Variants in EFHC1 observed in about 807,000 individuals in gnomAD.
EFHC1 encodes EF-hand domain containing 1.
A neutral mutation model predicts 69.9 loss-of-function variants in EFHC1; 53 were observed. The ratio of observed to expected loss-of-function variants is 0.76; its 90% CI spans 0.61 to 0.95. The LOEUF is 0.95. EFHC1 is among the 40% of genes least tolerant of loss of function. The probability of loss-of-function intolerance (pLI) is 0.00; values close to 1 mark genes in which losing one functional copy is unlikely to be tolerated. For missense variants in EFHC1, 739 were observed against 798.7 expected, an observed-to-expected ratio of 0.93 and a Z score of 0.90; for synonymous variants, 256 against 278.4, an observed-to-expected ratio of 0.92 and a Z score of 0.80.
intron 9 of EFHC1, among the ~76,000 whole-genome samples, chr6:52,484,828 CAGTG>C (rs1436171453): frequency 1.3e-5 from 2 of 151,886 alleles, no homozygotes; most frequent in South Asian, 2.1e-4. Context: ...GCAGTAGAAA[CAGTG>C]AGGATAGAGG....
intron 1 of EFHC1, chr6:52,423,655 TA>T (rs1764236562): frequency 3.8e-6 from 2 of 527,646 alleles, no homozygotes; most frequent in South Asian, 2.4e-5. Context: ...CACACCCAGC[TA>T]ATTTTTTTTT....
At chr6:52,424,271 G>A (rs1764257428) in intron 2 of EFHC1, 104 bp downstream of exon 2, 3 of 1,120,592 alleles carry the variant, frequency 2.7e-6, no homozygotes, top group East Asian at 2.6e-5. Context: ...AGGGCTCTGA[G>A]GAGAAAATTG....
intron 3 of EFHC1, among the ~76,000 whole-genome samples, chr6:52,448,409 A>G (rs1425756873): frequency 6.6e-6 from 1 of 152,208 alleles, no homozygotes; most frequent in Non-Finnish European, 1.5e-5. Flanking sequence ...CCATTTGCTA[A>G]GGCCATTGGA....
chr6:52,463,886 A>G (rs1765231989), intron 5 of EFHC1, among the ~76,000 whole-genome samples: 1 of 152,250 alleles, frequency 6.6e-6, no homozygotes, highest in Admixed American at 6.5e-5. Flanking sequence ...AATAAGATGC[A>G]TTATTAGGGA....
At chr6:52,427,600 C>A (rs1764329743) in intron 2 of EFHC1, among the ~76,000 whole-genome samples, 1 of 149,690 alleles carries the variant, frequency 6.7e-6, no homozygotes, top group Non-Finnish European at 1.5e-5. Flanking sequence ...ATTTGTGTTG[C>A]TGATTTGTTT....
At chr6:52,468,006 G>A (rs1765347970) in intron 6 of EFHC1, among the ~76,000 whole-genome samples, 1 of 152,174 alleles carries the variant, frequency 6.6e-6, no homozygotes, top group Admixed American at 6.5e-5. Context: ...TATTCAATTC[G>A]AGAGGTATGG....
intron 4 of EFHC1, chr6:52,453,871 T>A (rs776111548): frequency 7.2e-7 from 1 of 1,380,190 alleles, no homozygotes; most frequent in Non-Finnish European, 9.5e-7. Context: ...CACAAACTTA[T>A]AATCCTATTA....
chr6:52,445,300 TA>T (rs1764756887), intron 3 of EFHC1, among the ~76,000 whole-genome samples: 2 of 151,398 alleles, frequency 1.3e-5, no homozygotes, highest in Admixed American at 6.6e-5. Flanking sequence ...TTAATTTATT[TA>T]TTTTTTTATT....
At chr6:52,473,007 A>C (rs954489119) in intron 7 of EFHC1, among the ~76,000 whole-genome samples, 1 of 152,224 alleles carries the variant, frequency 6.6e-6, no homozygotes, top group African/African-American at 2.4e-5. Flanking sequence ...TAAGTCAAAA[A>C]ATCCAAAAAT....
intron 1 of EFHC1, among the ~76,000 whole-genome samples, chr6:52,423,375 G>T (rs1764230987): frequency 1.3e-5 from 2 of 152,214 alleles, no homozygotes. Flanking sequence ...AGGTGAATTG[G>T]TAGTTAAATT....
At chr6:52,453,151 T>C (rs1337213663) in intron 4 of EFHC1, 4 of 1,361,098 alleles carry the variant, frequency 2.9e-6, no homozygotes, top group Admixed American at 2.2e-5. Context: ...GACAATTTCT[T>C]TCCCTTAAAA....
intron 9 of EFHC1, chr6:52,487,159 A>G (rs774859069): frequency 6.6e-6 from 1 of 152,246 alleles, no homozygotes; most frequent in Admixed American, 6.5e-5. Flanking sequence ...CTATATTTCA[A>G]TAAAATTTTA....
intron 3 of EFHC1, among the ~76,000 whole-genome samples, chr6:52,448,339 G>T (rs1330426489): frequency 1.3e-5 from 2 of 152,248 alleles, no homozygotes; most frequent in East Asian, 3.8e-4. Flanking sequence ...CTAGCAGTGA[G>T]AGAGGCTCTG....
At chr6:52,461,310 G>A (rs1487750297) in intron 5 of EFHC1, among the ~76,000 whole-genome samples, 4 of 152,112 alleles carry the variant, frequency 2.6e-5, no homozygotes, top group Non-Finnish European at 5.9e-5. Context: ...TTATAATTGA[G>A]AAACGTGGTA....
Position 52,430,823 on chromosome 6 carries a change from G to A in EFHC1, c.285+6656G>A, listed in dbSNP as rs559768730. On this transcript the variant is annotated intron_variant, in intron 2 of 10. Transcript: ENST00000371068. The stretch of plus-strand genomic sequence containing the variant: ...TCTGGTAGAATTCTTCTGTGAATCT[G>A]TCTGGTCCTGGACTTTTTCCTGCTG... Among the ~76,000 whole-genome samples, 105 of 152,170 alleles carry A rather than the reference G, an allele frequency of 6.9e-4. 1 individual carries two copies. The South Asian group carries it at 0.02, about 29-fold the overall frequency.
At chr6:52,448,290 C>T (rs1764834491) in intron 3 of EFHC1, among the ~76,000 whole-genome samples, 1 of 152,236 alleles carries the variant, frequency 6.6e-6, no homozygotes, top group South Asian at 2.1e-4. Context: ...CCTCCACCAG[C>T]CTCGCTGCCG....
intron 2 of EFHC1, among the ~76,000 whole-genome samples, chr6:52,434,027 C>A (rs749515848): frequency 4.0e-5 from 6 of 151,814 alleles, no homozygotes; most frequent in Admixed American, 1.3e-4. Flanking sequence ...TCCCACTGTC[C>A]CGCCCCTCTC....
intron 6 of EFHC1, chr6:52,469,067 C>T (rs1303044536): frequency 2.2e-6 from 1 of 461,602 alleles, no homozygotes; most frequent in African/African-American, 2.0e-5. Flanking sequence ...AGTAAGGGGT[C>T]AGTGGACATC....
At chr6:52,440,988 CT>C (rs1764650399) in intron 3 of EFHC1, among the ~76,000 whole-genome samples, 1 of 148,330 alleles carries the variant, frequency 6.7e-6, no homozygotes, top group Non-Finnish European at 1.5e-5. Context: ...GGGTTCTTTG[CT>C]TTTTTTCTTG....
Sources: gnomAD v4.1 joint callset for allele counts (sites outside exome capture counted in the v4.1 genomes callset) on GRCh38, gnomAD v4.1.1 for gene constraint, MANE v1.5 for transcripts, NCBI Gene and HGNC (gene_info 2026-07-23, HGNC 2026-07-21) for gene names.